MTOR: variants seen among roughly 807,000 people sequenced by gnomAD.
MTOR encodes mechanistic target of rapamycin kinase, also known as serine/threonine-protein kinase mTOR.
Under a neutral mutation model 319.8 loss-of-function variants are expected in MTOR, and 70 were observed. The ratio of observed to expected loss-of-function variants is 0.22; its 90% confidence interval spans 0.18 to 0.27. The LOEUF (loss-of-function observed/expected upper bound fraction) is 0.27. Ranked by LOEUF, MTOR falls within the 10% of genes least tolerant of loss-of-function variation. The pLI is 1.00. For synonymous variants in MTOR, 1,183 were observed against 1,211.4 expected (o/e 0.98, Z 0.49); for missense variants, 1,890 against 3,274.4 (o/e 0.58, Z 10.32).
intron 37 of MTOR, among the ~76,000 whole-genome samples, chr1:11,134,128 GAGAAC>G (rs995249731): frequency 6.6e-6 from 1 of 152,174 alleles, no homozygotes; most frequent in Admixed American, 6.5e-5. Context: ...CAGACGCCAG[GAGAAC>G]AGCACATGGG....
Position 11,196,839 on chromosome 1 carries a change from C to T in MTOR, c.4253+2419G>A, listed in dbSNP as rs111796306. ...TGCACTCCAGCCTGGAGACAGAGCG[C>T]GACTCCATCTAAAAAAAAAAAAAAG... On this transcript the variant is annotated intron_variant, in intron 28 of 57. Coordinates refer to ENST00000361445, the MANE Select transcript of MTOR (RefSeq NM_004958.4). 9.3e-3 allele frequency among the ~76,000 whole-genome samples: 1,365 copies of T among 146,274 alleles called. 20 individuals carry two copies. The highest frequency in any genetic ancestry group is 0.032 in the African/African-American group (1,270 of 39,134).
chr1:11,111,496 A>AT (rs1370786204), intron 54 of MTOR: 1 of 191,458 alleles, frequency 5.2e-6, no homozygotes, highest in African/African-American at 2.4e-5. Flanking sequence ...AAAAAAAAAA[A>AT]AAAGAAAGAA....
Position 11,130,615 on chromosome 1 carries a change from T to G in MTOR, c.5527A>C (p.Ser1843Arg). The G allele has an allele frequency of 6.2e-7, 1 of 1,613,884 alleles. No individual in the cohort carries two copies. The highest frequency in any genetic ancestry group is 8.5e-7 in the Non-Finnish European group (1 of 1,179,890). Residue 1843 changes from serine to arginine, a missense_variant, in exon 39 of 58, where the codon AGC becomes CGC. Physicochemically the swap from Ser to Arg is moderately radical, Grantham distance 110. Transcript: ENST00000361445. ...CTCTCACTGTTGCTGCCCTCGGTGCTGGCAGTGGTGGTGGCAGTGGCGGCC... is the reference window on the plus strand; with the variant it reads ...CTCTCACTGTTGCTGCCCTCGGTGCGGGCAGTGGTGGTGGCAGTGGCGGCC... ...TTAATATTTASTEGSNSESEA... is the reference protein window; with the variant it reads ...TTAATATTTARTEGSNSESEA...
At chr1:11,194,362 A>T in intron 28 of MTOR, 1 of 1,113,324 alleles carries the variant, frequency 9.0e-7, no homozygotes, top group Non-Finnish European at 1.3e-6. Flanking sequence ...CACCTATAAA[A>T]AGATGTTTGG....
intron 2 of MTOR, 77 bp downstream of exon 2, chr1:11,259,171 C>CAA: frequency 3.3e-6 from 5 of 1,505,562 alleles, no homozygotes; most frequent in Middle Eastern, 2.2e-4. Flanking sequence ...CTTAGCTGTA[C>CAA]AAAAAAAAAT....
At chr1:11,257,947 T>C (rs954887590) in intron 3 of MTOR, among the ~76,000 whole-genome samples, 2 of 151,612 alleles carry the variant, frequency 1.3e-5, no homozygotes, top group Non-Finnish European at 2.9e-5. Context: ...CTGTCTCTAC[T>C]GAAAATACAA....
At position 11,177,284 on chromosome 1, in the gene MTOR, G is replaced by A. The variant is rs542074807; in HGVS notation, c.4254-9767C>T. Among the ~76,000 whole-genome samples, 33 of 152,204 alleles carry A rather than the reference G, an allele frequency of 2.2e-4. 1 individual carries two copies. Among genetic ancestry groups the A allele is most frequent in the South Asian group, 2.1e-3 (10 of 4,824 alleles). ...TCAAAATAGGTTTCTTTGGCTAGGC[G>A]CGGTGGCTCATGCCTGTAATCCCAC... On this transcript the variant is annotated intron_variant, in intron 28 of 57. Transcript: ENST00000361445.
chr1:11,204,827 C>T (rs1170227813), intron 25 of MTOR, 124 bp from the exon 26 acceptor site: 1 of 1,118,892 alleles, frequency 8.9e-7, no homozygotes, highest in African/African-American at 1.6e-5. Context: ...GATAAAATTC[C>T]CCTAGAGTAC....
chr1:11,120,286 C>T (rs915375557), intron 49 of MTOR, among the ~76,000 whole-genome samples: 49 of 151,912 alleles, frequency 3.2e-4, no homozygotes, highest in Non-Finnish European at 5.7e-4. Context: ...TACCTGTAAT[C>T]CCAGCACTTT....
At chr1:11,111,182 G>A in intron 54 of MTOR, 1 of 455,342 alleles carries the variant, frequency 2.2e-6, no homozygotes, top group South Asian at 1.6e-5. Context: ...ATCCAATAAG[G>A]ATAAATTACC....
In MTOR at chr1:11,135,227, G is replaced by A. The variant is rs6671636; in HGVS notation, c.5131-761C>T. ...GTTGAACCAGCATCTTGATAAGTGC[G>A]GTCCATATCACTTTTAAAGGGAAAA... On this transcript the variant is annotated intron_variant, in intron 36 of 57. Coordinates refer to ENST00000361445, the MANE Select transcript of MTOR (RefSeq NM_004958.4). Among the ~76,000 whole-genome samples the A allele has an allele frequency of 8.0e-3, 1,217 of 152,106 alleles. 20 individuals carry two copies. Among genetic ancestry groups the A allele is most frequent in the African/African-American group, 0.027 (1,125 of 41,484 alleles).
rs1557740724 is a variant in MTOR, at chr1:11,115,587, C to A, written c.7017-119G>T. On this transcript the variant is annotated intron_variant, in intron 50 of 57. Transcript: ENST00000361445. The surrounding 1 kb of genome is among the most constrained non-coding windows in gnomAD (Gnocchi z 4.5). ...AAACGATAGCCCTCAGCCAATCCAG[C>A]CCCTCCACCTCCACTTCTGCAAGTC... 1.2e-6 allele frequency: 1 copy of A among 841,716 alleles called. No homozygotes were observed. Among genetic ancestry groups the A allele is most frequent in the Non-Finnish European group, 2.0e-6 (1 of 503,148 alleles). The allele number at this position is 841,716 out of a possible 1,614,324, so 52.1% of individuals were successfully genotyped here. A position where few individuals can be genotyped will look rare whatever the true frequency, so the allele number is the denominator to read the frequency against.
At chr1:11,240,902 A>T (rs564342117) in intron 10 of MTOR, among the ~76,000 whole-genome samples, 1 of 152,220 alleles carries the variant, frequency 6.6e-6, no homozygotes, top group East Asian at 1.9e-4. Flanking sequence ...AATAATATAC[A>T]CAATATTTGC....
chr1:11,137,621 T>A lies in MTOR; in HGVS notation c.5130+1683A>T, dbSNP rs188348379. ...GTCACTTGGAAGAAGGGGCTTCTCA[T>A]AGACCCACAGGATTTTAGCTAGGCA... On this transcript the variant is annotated intron_variant, in intron 36 of 57. Transcript: ENST00000361445. Among the ~76,000 whole-genome samples the A allele has an allele frequency of 5.6e-4, 86 of 152,362 alleles. 1 individual carries two copies. The highest frequency in any genetic ancestry group is 2.0e-3 in the African/African-American group (83 of 41,592).
intron 8 of MTOR, among the ~76,000 whole-genome samples, chr1:11,246,602 T>C (rs898329951): frequency 3.6e-5 from 3 of 83,412 alleles, no homozygotes; most frequent in African/African-American, 8.5e-5. Context: ...CTGTGGTTTG[T>C]CTGGCTGGGT....
intron 30 of MTOR, 94 bp from the exon 31 acceptor site, chr1:11,150,320 AG>A: frequency 1.0e-6 from 1 of 990,376 alleles, no homozygotes; most frequent in Non-Finnish European, 1.5e-6. Flanking sequence ...AGGACTACAC[AG>A]GAACTGGACA....
intron 19 of MTOR, among the ~76,000 whole-genome samples, chr1:11,224,501 T>C (rs1462478242): frequency 6.6e-6 from 1 of 152,156 alleles, no homozygotes; most frequent in East Asian, 1.9e-4. Context: ...CTTCTCTCAG[T>C]ATTGATAGAT....
At chr1:11,139,767 C>T (rs1229569882) in intron 34 of MTOR, 109 bp from the exon 35 acceptor site, 3 of 1,336,048 alleles carry the variant, frequency 2.2e-6, no homozygotes, top group Admixed American at 2.0e-5. Context: ...TCTTGGCTCA[C>T]TGCAACCTCT....
At position 11,127,219 on chromosome 1, in the gene MTOR, C is replaced by A. The variant is rs560805796; in HGVS notation, c.6217-75G>T. The A allele has an allele frequency of 6.3e-7, 1 of 1,590,228 alleles. No homozygotes were observed. ...CCAGGAGGCAAAATCCCCAGGCTGACTGCAGATATTCCTCAGGAGCCCGCT... is the reference window on the plus strand; with the variant it reads ...CCAGGAGGCAAAATCCCCAGGCTGAATGCAGATATTCCTCAGGAGCCCGCT... On this transcript the variant is annotated intron_variant, in intron 44 of 57. Transcript: ENST00000361445. This position sits in a 1 kb window ranked among gnomAD's most constrained non-coding sequence, Gnocchi z 5.5.
Sources: allele counts gnomAD v4.1 joint callset (sites outside exome capture counted in the v4.1 genomes callset), GRCh38; gene constraint gnomAD v4.1.1; non-coding constraint Gnocchi (gnomAD v3.1); transcripts MANE v1.5; gene names NCBI Gene and HGNC (gene_info 2026-07-23, HGNC 2026-07-21).